Variants in PXDNL observed in about 807,000 individuals in gnomAD.
PXDNL encodes the protein peroxidasin like, also known as probable oxidoreductase PXDNL.
In PXDNL, 145 loss-of-function variants were observed where a neutral mutation model predicts 150.8. That is an observed-to-expected ratio of 0.96 (90% CI 0.84 to 1.10). The LOEUF is 1.10. Among genes scored for constraint, PXDNL ranks in the 50% least tolerant of loss-of-function variants. PXDNL has a pLI of 0.00. For synonymous variants in PXDNL, 757 were observed against 725.7 expected, an observed-to-expected ratio of 1.04 and a Z score of -0.69; for missense variants, 2,087 against 1,873.9, an observed-to-expected ratio of 1.11 and a Z score of -2.10.
chr8:51,781,423 G>C (rs967652060), intron 1 of PXDNL, among the ~76,000 whole-genome samples: 3 of 152,270 alleles, frequency 2.0e-5, no homozygotes, highest in Admixed American at 2.0e-4. Context: ...AAATGGCTTT[G>C]GGCTGCGAAG....
At chr8:51,467,731 CAA>C (rs1446999593) in intron 8 of PXDNL, among the ~76,000 whole-genome samples, 2 of 152,016 alleles carry the variant, frequency 1.3e-5, no homozygotes, top group African/African-American at 4.8e-5. Flanking sequence ...ACTGAAAGCC[CAA>C]GTCATTAGTT....
intron 3 of PXDNL, 137 bp downstream of exon 3, chr8:51,592,490 A>G (rs1813465344): frequency 3.4e-6 from 2 of 593,876 alleles, no homozygotes; most frequent in Non-Finnish European, 2.9e-6. Flanking sequence ...ACATGTTCAT[A>G]TGTGAGTTTT....
At chr8:51,499,385 C>T (rs1275622140) in intron 5 of PXDNL, among the ~76,000 whole-genome samples, 1 of 152,208 alleles carries the variant, frequency 6.6e-6, no homozygotes, top group East Asian at 1.9e-4. Flanking sequence ...CCCACCTCGG[C>T]CTCCCAAAGT....
chr8:51,392,198 C>G (rs1283577021), intron 17 of PXDNL, among the ~76,000 whole-genome samples: 1 of 152,050 alleles, frequency 6.6e-6, no homozygotes, highest in Non-Finnish European at 1.5e-5. Context: ...GTTCTTTTGG[C>G]TTAGGATTGA....
chr8:51,567,655 A>C (rs1812855478), intron 3 of PXDNL, among the ~76,000 whole-genome samples: 1 of 151,694 alleles, frequency 6.6e-6, no homozygotes. Flanking sequence ...TCTATCTATA[A>C]TTGATTATAC....
intron 4 of PXDNL, among the ~76,000 whole-genome samples, chr8:51,535,725 ATAAATAAAT>A: frequency 7.2e-6 from 1 of 138,642 alleles, no homozygotes; most frequent in Non-Finnish European, 1.5e-5. Context: ...AAAAAAATAA[ATAAATAAAT>A]AAATAAAAAT....
At chr8:51,452,873 C>G (rs1425059982) in intron 10 of PXDNL, among the ~76,000 whole-genome samples, 1 of 151,800 alleles carries the variant, frequency 6.6e-6, no homozygotes, top group African/African-American at 2.4e-5. Flanking sequence ...TTACTAAACT[C>G]TAACCCTACA....
intron 2 of PXDNL, among the ~76,000 whole-genome samples, chr8:51,643,356 T>C (rs1814820346): frequency 6.6e-6 from 1 of 151,966 alleles, no homozygotes; most frequent in African/African-American, 2.4e-5. Flanking sequence ...TATAGACCAA[T>C]GGAACAGAAC....
intron 12 of PXDNL, among the ~76,000 whole-genome samples, chr8:51,430,743 T>G (rs528995282): frequency 2.0e-5 from 3 of 152,294 alleles, no homozygotes; most frequent in Admixed American, 2.0e-4. Context: ...CTTTACCACT[T>G]TTCTTCCAAA....
At chr8:51,640,293 C>A (rs1814718758) in intron 2 of PXDNL, among the ~76,000 whole-genome samples, 3 of 152,130 alleles carry the variant, frequency 2.0e-5, no homozygotes, top group Admixed American at 6.6e-5. Flanking sequence ...AAAACTGGCA[C>A]AAGACAGGGA....
At chr8:51,590,001 G>A (rs546056539) in intron 3 of PXDNL, among the ~76,000 whole-genome samples, 2 of 151,992 alleles carry the variant, frequency 1.3e-5, no homozygotes, top group Non-Finnish European at 2.9e-5. Context: ...CCTTCCCATC[G>A]CAGGCCCTGA....
chr8:51,319,928 T>G lies in PXDNL; in HGVS notation c.4355A>C (p.Asp1452Ala). 1 of 1,561,346 alleles carries G rather than the reference T, an allele frequency of 6.4e-7. No individual in the cohort carries two copies. The highest frequency in any genetic ancestry group is 8.6e-7 in the Non-Finnish European group (1 of 1,156,644). The change falls in exon 23 of 23, where the codon GAC becomes GCC. Residue 1452 changes from aspartate (D) to alanine (A), a missense_variant. Asp to Ala is a moderately radical substitution (Grantham distance 126). Transcript: ENST00000356297. ...VKGTCCPVCR[D>A]RGMPSDSPEK... ...TGGGGAATCACTTGGCATTCCTCGG[T>G]CTCTGCAAACTGGACAGCAGGTTCC...
At chr8:51,760,844 A>ATTTTTTTTTTT (rs1563312827) in intron 1 of PXDNL, among the ~76,000 whole-genome samples, 10 of 48,032 alleles carry the variant, frequency 2.1e-4, no homozygotes, top group Non-Finnish European at 4.6e-4. Context: ...AATCACTTAA[A>ATTTTTTTTTTT]CTTTTTTTTT....
intron 4 of PXDNL, among the ~76,000 whole-genome samples, chr8:51,536,380 AATT>A (rs200063674): frequency 0.047 from 7,207 of 152,316 alleles, 282 homozygotes; most frequent in East Asian, 0.22. Flanking sequence ...ATGTATGCTT[AATT>A]ATATACACAA....
At chr8:51,586,309 T>C (rs768295345) in intron 3 of PXDNL, among the ~76,000 whole-genome samples, 11 of 152,094 alleles carry the variant, frequency 7.2e-5, no homozygotes, top group Admixed American at 1.3e-4. Context: ...ACTGAGAAAT[T>C]GCCAGCTATG....
At chr8:51,502,931 A>G (rs1378211508) in intron 4 of PXDNL, among the ~76,000 whole-genome samples, 1 of 152,180 alleles carries the variant, frequency 6.6e-6, no homozygotes, top group East Asian at 1.9e-4. Context: ...AGTTTATCCA[A>G]TATCACTTAG....
chr8:51,583,365 A>C (rs1320923407), intron 3 of PXDNL, among the ~76,000 whole-genome samples: 4 of 152,142 alleles, frequency 2.6e-5, no homozygotes, highest in Non-Finnish European at 1.5e-5. Context: ...CTTCCTTATC[A>C]ATCTTGAAAG....
chr8:51,476,875 T>G (rs1810490611), intron 6 of PXDNL, among the ~76,000 whole-genome samples: 2 of 152,176 alleles, frequency 1.3e-5, no homozygotes, highest in South Asian at 4.1e-4. Context: ...GAATACAAAA[T>G]GCCATAAATT....
chr8:51,748,622 G>A (rs1484717874), intron 1 of PXDNL, among the ~76,000 whole-genome samples: 1 of 152,188 alleles, frequency 6.6e-6, no homozygotes. Context: ...TGAAGCAGGA[G>A]TTATTTTAAA....
Sources: gnomAD v4.1 joint callset for allele counts (sites outside exome capture counted in the v4.1 genomes callset) on GRCh38, gnomAD v4.1.1 for gene constraint, MANE v1.5 for transcripts, NCBI Gene and HGNC (gene_info 2026-07-23, HGNC 2026-07-21) for gene names.